Variants in KCNT2 observed in about 807,000 individuals in gnomAD.
The protein encoded by KCNT2 is potassium sodium-activated channel subfamily T member 2.
In KCNT2, 67 loss-of-function variants were observed where a neutral mutation model predicts 153.8. That is an observed-to-expected ratio of 0.44 (90% confidence interval 0.36 to 0.53). The LOEUF (loss-of-function observed/expected upper bound fraction) is 0.53, where lower values mean the gene tolerates loss of function less well. Ranked by LOEUF, KCNT2 falls within the 20% of genes least tolerant of loss-of-function variation. The pLI, the probability that KCNT2 is intolerant of heterozygous loss-of-function variation, is 0.00. For missense variants in KCNT2, 975 were observed against 1,354.8 expected (o/e 0.72, Z 4.40); for synonymous variants, 500 against 458.8 (o/e 1.09, Z -1.15).
chr1:196,421,675 T>C (rs1179330542), intron 12 of KCNT2, among the ~76,000 whole-genome samples: 1 of 152,060 alleles, frequency 6.6e-6, no homozygotes, highest in African/African-American at 2.4e-5. Context: ...TTTCCAATCA[T>C]TTTTTGGTCT....
rs139569260 is a variant in KCNT2, at chr1:196,378,707, T to C, written c.1295-5459A>G. 1.4e-3 allele frequency among the ~76,000 whole-genome samples: 213 copies of C among 148,312 alleles called. 3 individuals carry two copies. In the East Asian group the frequency reaches 0.039, roughly 27 times the overall value. On this transcript the variant is annotated intron_variant, in intron 13 of 27. Coordinates refer to ENST00000294725, the MANE Select transcript of KCNT2 (RefSeq NM_198503.5). Reference sequence around the variant, plus strand: ...AACAACATTATATATGTAAGTAATATATATGAAACAGCAATATAATATATA... The same window carrying C: ...AACAACATTATATATGTAAGTAATACATATGAAACAGCAATATAATATATA...
chr1:196,259,019 C>T (rs953710331), intron 25 of KCNT2, among the ~76,000 whole-genome samples: 1 of 152,056 alleles, frequency 6.6e-6, no homozygotes, highest in African/African-American at 2.4e-5. Flanking sequence ...TTTTAAAATT[C>T]TCTCATATGC....
chr1:196,601,535 A>G (rs1288910935), intron 1 of KCNT2, among the ~76,000 whole-genome samples: 1 of 152,192 alleles, frequency 6.6e-6, no homozygotes, highest in Non-Finnish European at 1.5e-5. Context: ...TCTGCAGGCT[A>G]TCATTTAAAT....
chr1:196,485,577 A>T (rs1160581664), intron 3 of KCNT2, among the ~76,000 whole-genome samples: 5 of 151,998 alleles, frequency 3.3e-5, no homozygotes, highest in Non-Finnish European at 5.9e-5. Flanking sequence ...TAAGAGTTTT[A>T]AAAAAGACAT....
At chr1:196,601,860 T>C (rs1011347202) in intron 1 of KCNT2, among the ~76,000 whole-genome samples, 1 of 152,170 alleles carries the variant, frequency 6.6e-6, no homozygotes, top group Non-Finnish European at 1.5e-5. Flanking sequence ...TTCATATCCA[T>C]CCTAATTTCA....
intron 1 of KCNT2, among the ~76,000 whole-genome samples, chr1:196,575,985 A>G (rs1396009322): frequency 2.0e-5 from 3 of 151,440 alleles, no homozygotes; most frequent in African/African-American, 7.3e-5. Flanking sequence ...CTAAAAAAAA[A>G]AAAAAAAAAT....
intron 25 of KCNT2, chr1:196,259,500 T>C (rs546177708): frequency 2.1e-4 from 32 of 152,256 alleles, no homozygotes; most frequent in African/African-American, 7.0e-4. Flanking sequence ...ATCTGTGAAC[T>C]GTGTTTCCCT....
At chr1:196,238,779 A>G (rs910787738) in intron 26 of KCNT2, among the ~76,000 whole-genome samples, 6 of 151,992 alleles carry the variant, frequency 3.9e-5, no homozygotes, top group African/African-American at 1.4e-4. Context: ...ATGCATACAT[A>G]TGTAACAAAC....
chr1:196,362,105 C>T (rs1000841080), intron 14 of KCNT2, among the ~76,000 whole-genome samples: 2 of 152,022 alleles, frequency 1.3e-5, no homozygotes, highest in Admixed American at 6.6e-5. Flanking sequence ...TGAGCATGCT[C>T]CCCCACTTTT....
At chr1:196,233,089 A>C (rs1654100769) in intron 27 of KCNT2, among the ~76,000 whole-genome samples, 1 of 151,434 alleles carries the variant, frequency 6.6e-6, no homozygotes, top group African/African-American at 2.4e-5. Flanking sequence ...TTATTTTATT[A>C]TCATAATATA....
chr1:196,282,564 C>T (rs2477358), intron 23 of KCNT2, among the ~76,000 whole-genome samples: 150,298 of 152,280 alleles, frequency 0.99, 74,202 homozygotes, highest in Middle Eastern at 1. Flanking sequence ...TAAGGAAACA[C>T]AGGAAATAAT....
At chr1:196,452,850 T>G (rs1676343067) in intron 8 of KCNT2, among the ~76,000 whole-genome samples, 1 of 151,880 alleles carries the variant, frequency 6.6e-6, no homozygotes, top group African/African-American at 2.4e-5. Context: ...TTTAAAATTA[T>G]ATTTATACCT....
At chr1:196,560,738 C>G (rs10754194) in intron 1 of KCNT2, among the ~76,000 whole-genome samples, 118,134 of 151,748 alleles carry the variant, frequency 0.78, 49,500 homozygotes, top group East Asian at 0.97. Flanking sequence ...TCATCACACA[C>G]GGTCACCCCA....
intron 13 of KCNT2, among the ~76,000 whole-genome samples, chr1:196,375,143 TG>T (rs1307035813): frequency 6.6e-6 from 1 of 151,900 alleles, no homozygotes; most frequent in African/African-American, 2.4e-5. Context: ...CATCTGAGTT[TG>T]GGGGGCAATG....
intron 1 of KCNT2, among the ~76,000 whole-genome samples, chr1:196,529,824 A>T (rs1654711398): frequency 6.6e-6 from 1 of 152,066 alleles, no homozygotes; most frequent in South Asian, 2.1e-4. Flanking sequence ...TTTTACATTT[A>T]TTTGGTCTCA....
chr1:196,251,821 GATT>G (rs1313096731), intron 26 of KCNT2, among the ~76,000 whole-genome samples: 1 of 151,796 alleles, frequency 6.6e-6, no homozygotes, highest in African/African-American at 2.4e-5. Flanking sequence ...ACCCTGATGT[GATT>G]ATTATGCATT....
intron 1 of KCNT2, among the ~76,000 whole-genome samples, chr1:196,607,897 G>A (rs1665495524): frequency 6.6e-6 from 1 of 152,100 alleles, no homozygotes; most frequent in Admixed American, 6.5e-5. Flanking sequence ...TACCATTTGG[G>A]TGTATTGTAC....
rs79707161 is a variant in KCNT2 at position 196,391,832 on chromosome 1, A to G, written c.1294+6731T>C. 9.7e-3 allele frequency among the ~76,000 whole-genome samples: 1,464 copies of G among 151,510 alleles called. 10 individuals are homozygous for G. Among genetic ancestry groups the G allele is most frequent in the Non-Finnish European group, 0.014 (952 of 67,524 alleles). ...GTATATAGAACTCTTTGCACTATCT[A>G]TACTGCTTTTCCATAAATCTAAAAC... On this transcript the variant is annotated intron_variant, in intron 13 of 27. Transcript: ENST00000294725.
At chr1:196,270,850 T>C (rs1031016447) in intron 25 of KCNT2, among the ~76,000 whole-genome samples, 28 of 151,740 alleles carry the variant, frequency 1.8e-4, no homozygotes, top group African/African-American at 6.3e-4. Flanking sequence ...TGTGTGTGTG[T>C]GCATGTATGT....
Sources: allele counts gnomAD v4.1 joint callset (sites outside exome capture counted in the v4.1 genomes callset), GRCh38; gene constraint gnomAD v4.1.1; transcripts MANE v1.5; gene names NCBI Gene and HGNC (gene_info 2026-07-23, HGNC 2026-07-21).